The following SHISA9 variants were observed in gnomAD, a reference collection of about 807,000 sequenced individuals.
SHISA9 encodes shisa family member 9.
In SHISA9, 13 loss-of-function variants were observed where a neutral mutation model predicts 38.0. That is an observed-to-expected ratio of 0.34 (90% CI 0.22 to 0.54). The LOEUF (loss-of-function observed/expected upper bound fraction) is 0.54. Among genes scored for constraint, SHISA9 ranks in the 20% least tolerant of loss-of-function variants. The probability of loss-of-function intolerance (pLI) is 0.91; values close to 1 mark genes in which losing one functional copy is unlikely to be tolerated. For missense variants in SHISA9, 538 were observed against 575.8 expected (o/e 0.93, Z 0.67); for synonymous variants, 275 against 242.0 (o/e 1.14, Z -1.27).
At chr16:13,043,498 C>A (rs1188056094) in intron 2 of SHISA9, among the ~76,000 whole-genome samples, 1 of 152,122 alleles carries the variant, frequency 6.6e-6, no homozygotes, top group Non-Finnish European at 1.5e-5. Flanking sequence ...AAAGTAATTG[C>A]AGTTTTTGCC....
intron 2 of SHISA9, among the ~76,000 whole-genome samples, chr16:13,100,055 C>T (rs1306115783): frequency 2.6e-5 from 4 of 152,168 alleles, no homozygotes; most frequent in Admixed American, 1.3e-4. Context: ...GACACACGGC[C>T]CTTTCAGGAG....
At chr16:13,323,903 AG>A in the SHISA9 span, among the ~76,000 whole-genome samples, 1 of 152,142 alleles carries the variant, frequency 6.6e-6, no homozygotes, top group Non-Finnish European at 1.5e-5. Flanking sequence ...ATCAATCCCC[AG>A]TGTTGGAGGT....
At chr16:12,971,690 C>T (rs1205322952) in intron 2 of SHISA9, among the ~76,000 whole-genome samples, 1 of 152,204 alleles carries the variant, frequency 6.6e-6, no homozygotes, top group African/African-American at 2.4e-5. Flanking sequence ...AATTTTATGA[C>T]TGCCATTATT....
At chr16:13,264,037 G>A in the SHISA9 span, among the ~76,000 whole-genome samples, 1 of 152,048 alleles carries the variant, frequency 6.6e-6, no homozygotes, top group Non-Finnish European at 1.5e-5. Flanking sequence ...ACACTGATAT[G>A]ACTACTTAAG....
the SHISA9 span, among the ~76,000 whole-genome samples, chr16:13,370,441 A>G: frequency 2.6e-5 from 4 of 152,188 alleles, no homozygotes; most frequent in South Asian, 2.1e-4. Context: ...TTTAAACACT[A>G]ATTTTCTGAC....
the SHISA9 span, among the ~76,000 whole-genome samples, chr16:13,252,105 A>G: frequency 5.5e-4 from 84 of 152,230 alleles, no homozygotes; most frequent in African/African-American, 2.0e-3. Flanking sequence ...AAATCCTTAA[A>G]TCAAAGTCCT....
chr16:12,977,043 CT>C (rs1444393710), intron 2 of SHISA9, among the ~76,000 whole-genome samples: 1 of 152,164 alleles, frequency 6.6e-6, no homozygotes, highest in Non-Finnish European at 1.5e-5. Flanking sequence ...GGACACTTTT[CT>C]TCCAAGGCCC....
At chr16:12,987,880 TC>T (rs1394709707) in intron 2 of SHISA9, among the ~76,000 whole-genome samples, 1 of 152,186 alleles carries the variant, frequency 6.6e-6, no homozygotes, top group Non-Finnish European at 1.5e-5. Context: ...AATGGAGGCT[TC>T]CATCCATGAA....
At chr16:13,362,238 AAAC>A in the SHISA9 span, among the ~76,000 whole-genome samples, 22 of 149,602 alleles carry the variant, frequency 1.5e-4, no homozygotes, top group African/African-American at 3.9e-4. Flanking sequence ...AAGCAAAACC[AAAC>A]AACAACAACA....
chr16:13,503,898 T>C, the SHISA9 span, among the ~76,000 whole-genome samples: 1 of 152,078 alleles, frequency 6.6e-6, no homozygotes, highest in African/African-American at 2.4e-5. Flanking sequence ...GAGCCCACGA[T>C]AGAATAAACA....
At chr16:13,505,050 A>C in the SHISA9 span, among the ~76,000 whole-genome samples, 1 of 152,124 alleles carries the variant, frequency 6.6e-6, no homozygotes, top group African/African-American at 2.4e-5. Context: ...GTGTGGTTTG[A>C]ATGCTCCATA....
At chr16:13,388,447 G>A in the SHISA9 span, among the ~76,000 whole-genome samples, 2 of 151,894 alleles carry the variant, frequency 1.3e-5, no homozygotes, top group African/African-American at 4.8e-5. Context: ...GAGTAGCTGG[G>A]ACTACAGGCA....
the SHISA9 span, chr16:13,331,819 G>A: frequency 6.6e-6 from 1 of 152,176 alleles, no homozygotes; most frequent in Non-Finnish European, 1.5e-5. Flanking sequence ...TATCTGGAAA[G>A]TGGAAACCAT....
At chr16:13,364,640 G>T in the SHISA9 span, among the ~76,000 whole-genome samples, 1 of 152,180 alleles carries the variant, frequency 6.6e-6, no homozygotes. Context: ...GCTTCTGCAA[G>T]ATTGTTTGCT....
At chr16:13,356,797 C>T in the SHISA9 span, among the ~76,000 whole-genome samples, 14 of 152,216 alleles carry the variant, frequency 9.2e-5, no homozygotes, top group South Asian at 6.2e-4. Context: ...AATGCCTGGA[C>T]GTCAGGCACC....
At chr16:13,033,508 C>T (rs574051464) in intron 2 of SHISA9, among the ~76,000 whole-genome samples, 20 of 152,232 alleles carry the variant, frequency 1.3e-4, no homozygotes, top group Admixed American at 1.0e-3. Flanking sequence ...GTAGTAGCTG[C>T]CAAGTCCAAA....
At chr16:13,313,593 G>A in the SHISA9 span, among the ~76,000 whole-genome samples, 1 of 152,212 alleles carries the variant, frequency 6.6e-6, no homozygotes, top group South Asian at 2.1e-4. Context: ...TGTGGAAATA[G>A]GGGAGGGAAC....
chr16:13,481,947 T>C, the SHISA9 span, among the ~76,000 whole-genome samples: 1 of 152,302 alleles, frequency 6.6e-6, no homozygotes, highest in Admixed American at 6.5e-5. Flanking sequence ...GGGCCAATGT[T>C]TTCTGAACAC....
chr16:13,500,490 A>G, the SHISA9 span, among the ~76,000 whole-genome samples: 4 of 152,156 alleles, frequency 2.6e-5, no homozygotes, highest in Non-Finnish European at 5.9e-5. Context: ...AGGAAATAGC[A>G]GTTAATCTGG....
Sources: allele counts gnomAD v4.1 joint callset (sites outside exome capture counted in the v4.1 genomes callset), GRCh38; gene constraint gnomAD v4.1.1; transcripts MANE v1.5; gene names NCBI Gene and HGNC (gene_info 2026-07-23, HGNC 2026-07-21).